LRIG3: variants seen among roughly 807,000 people sequenced by gnomAD.
LRIG3 encodes leucine-rich repeats and immunoglobulin-like domains protein 3.
Under a neutral mutation model 114.5 loss-of-function variants are expected in LRIG3, and 76 were observed. That is an observed-to-expected ratio of 0.66 (90% CI 0.55 to 0.80). LRIG3 has a LOEUF of 0.80. Among genes scored for constraint, LRIG3 ranks in the 30% least tolerant of loss-of-function variants. The pLI, the probability that LRIG3 is intolerant of heterozygous loss-of-function variation, is 0.00. For synonymous variants in LRIG3, 512 were observed against 519.8 expected (o/e 0.98, Z 0.20); for missense variants, 1,239 against 1,382.8 (o/e 0.90, Z 1.65).
intron 3 of LRIG3, among the ~76,000 whole-genome samples, chr12:58,901,407 A>T (rs1871844070): frequency 6.6e-6 from 1 of 152,194 alleles, no homozygotes; most frequent in East Asian, 1.9e-4. Context: ...CAGGTGTGTG[A>T]TGGAGCGGAC....
Position 58,888,859 on chromosome 12 carries a change from T to A in LRIG3, c.763A>T (p.Met255Leu). The change falls in exon 6 of 19, where the codon ATG (methionine) becomes TTG (leucine). Residue 255 changes from methionine (M) to leucine (L), a missense_variant. Transcript: ENST00000320743. ...KMQRNGVTKL[M>L]DGAFWGLSNM... Reference sequence around the variant, plus strand: ...CTCAGCCCCCAAAAAGCTCCATCCATAAGTTTCGTTACTCCATTTCTTTGC... The same window carrying A: ...CTCAGCCCCCAAAAAGCTCCATCCAAAAGTTTCGTTACTCCATTTCTTTGC... The A allele has an allele frequency of 2.5e-6, 4 of 1,613,854 alleles. No homozygotes were observed. Among genetic ancestry groups the A allele is most frequent in the Non-Finnish European group, 3.4e-6 (4 of 1,179,846 alleles).
At chr12:58,894,697 T>C (rs1236156269) in intron 3 of LRIG3, among the ~76,000 whole-genome samples, 2 of 152,242 alleles carry the variant, frequency 1.3e-5, no homozygotes, top group African/African-American at 2.4e-5. Flanking sequence ...TGGCAGGAAA[T>C]GTGCAACGCT....
chr12:58,902,493 A>G (rs1871893925), intron 3 of LRIG3, among the ~76,000 whole-genome samples: 1 of 152,168 alleles, frequency 6.6e-6, no homozygotes, highest in South Asian at 2.1e-4. Flanking sequence ...TATATGAGAG[A>G]CAGGGAGATG....
intron 3 of LRIG3, among the ~76,000 whole-genome samples, chr12:58,907,501 C>T (rs1333856303): frequency 6.6e-6 from 1 of 152,182 alleles, no homozygotes; most frequent in African/African-American, 2.4e-5. Context: ...ATTCAAGAAT[C>T]CACTTTGGCC....
At chr12:58,901,935 A>T (rs11172811) in intron 3 of LRIG3, among the ~76,000 whole-genome samples, 1 of 152,152 alleles carries the variant, frequency 6.6e-6, no homozygotes, top group Admixed American at 6.5e-5. Flanking sequence ...AGAGAAAAAT[A>T]TCTCTTCTGA....
chr12:58,918,961 C>T (rs76468953), intron 1 of LRIG3, among the ~76,000 whole-genome samples: 2,519 of 152,316 alleles, frequency 0.017, 29 homozygotes, highest in Non-Finnish European at 0.025. Flanking sequence ...AAACCTCCTA[C>T]CACATTAGGG....
chr12:58,906,462 T>C (rs990827045), intron 3 of LRIG3, among the ~76,000 whole-genome samples: 2 of 152,172 alleles, frequency 1.3e-5, no homozygotes, highest in African/African-American at 4.8e-5. Context: ...CTCTGTGCCA[T>C]GTACTCAAGC....
intron 3 of LRIG3, among the ~76,000 whole-genome samples, chr12:58,899,067 G>T (rs1871749415): frequency 6.6e-6 from 1 of 152,208 alleles, no homozygotes; most frequent in African/African-American, 2.4e-5. Context: ...CATCAGGATT[G>T]GTGGGCAGGG....
intron 13 of LRIG3, 97 bp from the exon 14 acceptor site, chr12:58,879,202 A>C: frequency 7.3e-7 from 1 of 1,361,840 alleles, no homozygotes; most frequent in Non-Finnish European, 9.9e-7. Context: ...TGATACTTAC[A>C]GATTGTCCCT....
chr12:58,884,795 G>A (rs1048256568), intron 10 of LRIG3, among the ~76,000 whole-genome samples: 31 of 152,110 alleles, frequency 2.0e-4, no homozygotes, highest in Non-Finnish European at 4.1e-4. Context: ...AACCCAATAT[G>A]TATTTTAAAT....
chr12:58,915,300 A>C (rs1295324458), intron 1 of LRIG3, among the ~76,000 whole-genome samples: 1 of 152,234 alleles, frequency 6.6e-6, no homozygotes, highest in Non-Finnish European at 1.5e-5. Flanking sequence ...TTCCCACTGA[A>C]AGGGTTATCC....
At chr12:58,877,247 G>T (rs1266552675) in intron 15 of LRIG3, among the ~76,000 whole-genome samples, 153 bp downstream of exon 15, 14 of 152,178 alleles carry the variant, frequency 9.2e-5, no homozygotes, top group African/African-American at 3.4e-4. Context: ...TTTGGGGCTG[G>T]AGTTTTTTAG....
chr12:58,905,477 T>C (rs962558555), intron 3 of LRIG3, among the ~76,000 whole-genome samples: 4 of 152,354 alleles, frequency 2.6e-5, no homozygotes, highest in Middle Eastern at 3.4e-3. Flanking sequence ...CATAAGTTTA[T>C]TTCCACTAAA....
At chr12:58,885,094 A>G (rs1245871016) in intron 10 of LRIG3, among the ~76,000 whole-genome samples, 1 of 152,162 alleles carries the variant, frequency 6.6e-6, no homozygotes, top group Non-Finnish European at 1.5e-5. Context: ...GAGTAGCGGC[A>G]GAGATTGTAC....
chr12:58,872,682 C>T lies in LRIG3; in HGVS notation c.3250G>A (p.Asp1084Asn), dbSNP rs1458555472. The T allele has an allele frequency of 3.1e-6, 5 of 1,614,140 alleles. No homozygotes were observed. Among genetic ancestry groups the T allele is most frequent in the Non-Finnish European group, 4.2e-6 (5 of 1,180,006 alleles). Residue 1084 changes from aspartate (D) to asparagine (N), a missense_variant, in exon 19 of 19, where the codon GAT becomes AAT. Physicochemically the swap from Asp to Asn is conservative, Grantham distance 23 (BLOSUM62 1). Transcript: ENST00000320743. ...TGAAAATCTGTCCTTTCTTTCCCAT[C>T]TTCCTCTGACCCAGAGTCCAAGTCT... is the stretch of plus-strand genomic sequence containing the variant. ...SPDLDSGSEE[D>N]GKERTDFQEE...
chr12:58,876,791 G>A (rs543594128), intron 15 of LRIG3, among the ~76,000 whole-genome samples, 188 bp from the exon 16 acceptor site: 4 of 152,282 alleles, frequency 2.6e-5, no homozygotes, highest in East Asian at 1.9e-4. Flanking sequence ...GCTCTGGGAC[G>A]TATAAGCTGA....
chr12:58,907,113 G>A (rs1872095428), intron 3 of LRIG3, among the ~76,000 whole-genome samples: 1 of 152,048 alleles, frequency 6.6e-6, no homozygotes, highest in South Asian at 2.1e-4. Flanking sequence ...CTATGTGCTG[G>A]TACATGCCCA....
chr12:58,919,420 A>C (rs1872591178), intron 1 of LRIG3: 2 of 1,551,616 alleles, frequency 1.3e-6, no homozygotes, highest in African/African-American at 2.7e-5. Context: ...GAGGAGTGGG[A>C]ACTTACGGTC....
Position 58,920,275 on chromosome 12 carries a change from C to T in LRIG3, c.-40G>A. Reference sequence around the variant, plus strand: ...CTAGGTCTCTACCCGAAGCTCCCAGCCGGCGCGCGCTCGGGGCCCGGCACA... The same window carrying T: ...CTAGGTCTCTACCCGAAGCTCCCAGTCGGCGCGCGCTCGGGGCCCGGCACA... On this transcript the variant is annotated 5_prime_UTR_variant, in exon 1 of 19. Coordinates refer to ENST00000320743, the MANE Select transcript of LRIG3 (RefSeq NM_153377.5). The T allele has an allele frequency of 7.7e-7, 1 of 1,298,006 alleles. No homozygotes were observed. Among genetic ancestry groups the T allele is most frequent in the Non-Finnish European group, 9.8e-7 (1 of 1,023,516 alleles). 80.4% of individuals were successfully genotyped at this position (1,298,006 alleles called of 1,614,324 possible).
Sources: gnomAD v4.1 joint callset for allele counts (sites outside exome capture counted in the v4.1 genomes callset) on GRCh38, gnomAD v4.1.1 for gene constraint, MANE v1.5 for transcripts, NCBI Gene and HGNC (gene_info 2026-07-23, HGNC 2026-07-21) for gene names.